Variants in MAPK10 observed in about 807,000 individuals in gnomAD.
MAPK10 encodes JNK3 alpha protein kinase.
MAPK10 carries 25 observed loss-of-function variants against 59.3 expected under a neutral mutation model. That is an observed-to-expected ratio of 0.42 (90% CI 0.31 to 0.59). The LOEUF is 0.59. Among genes scored for constraint, MAPK10 ranks in the 20% least tolerant of loss-of-function variants. The pLI, the probability that MAPK10 is intolerant of heterozygous loss-of-function variation, is 0.15. For missense variants in MAPK10, 351 were observed against 568.9 expected (o/e 0.62, Z 3.90); for synonymous variants, 190 against 200.5 (o/e 0.95, Z 0.44).
intron 3 of MAPK10, among the ~76,000 whole-genome samples, chr4:86,181,825 T>G (rs2076992659): frequency 1.3e-5 from 2 of 151,918 alleles, no homozygotes; most frequent in Non-Finnish European, 2.9e-5. Context: ...CACCAGAGAG[T>G]GTGTAGGAGT....
intron 11 of MAPK10, among the ~76,000 whole-genome samples, chr4:86,048,048 T>C (rs1053273309): frequency 2.0e-5 from 3 of 152,084 alleles, no homozygotes; most frequent in Admixed American, 2.0e-4. Context: ...AGGATAGTCA[T>C]CATTTTCTAG....
At chr4:86,394,661 C>T (rs1169594837) in intron 1 of MAPK10, among the ~76,000 whole-genome samples, 3 of 151,974 alleles carry the variant, frequency 2.0e-5, no homozygotes, top group East Asian at 1.9e-4. Flanking sequence ...TACAATGACT[C>T]GTGGAAAGGG....
intron 9 of MAPK10, among the ~76,000 whole-genome samples, chr4:86,093,698 A>C (rs2053673329): frequency 6.6e-6 from 1 of 151,856 alleles, no homozygotes; most frequent in African/African-American, 2.4e-5. Context: ...AATCAGAAAA[A>C]GACTTTCTCC....
intron 1 of MAPK10, among the ~76,000 whole-genome samples, chr4:86,443,399 C>T (rs1432728421): frequency 6.6e-6 from 1 of 151,832 alleles, no homozygotes; most frequent in East Asian, 1.9e-4. Context: ...AACCACCCTG[C>T]AGAAGCCAAA....
intron 1 of MAPK10, among the ~76,000 whole-genome samples, chr4:86,511,241 T>C (rs1478302676): frequency 5.3e-5 from 8 of 151,280 alleles, no homozygotes; most frequent in Admixed American, 5.3e-4. Context: ...CCCAACATTT[T>C]GGGAGGCCAA....
intron 9 of MAPK10, among the ~76,000 whole-genome samples, chr4:86,088,065 GACTAAGTGTAGAGGGATATTTA>G (rs1430849465): frequency 6.6e-6 from 1 of 152,134 alleles, no homozygotes; most frequent in African/African-American, 2.4e-5. Context: ...TTTCATAAGT[GACTAAGTGTAGAGGGATATTTA>G]ACAGGACCCA....
chr4:86,363,275 G>A (rs1377544170), upstream of MAPK10, among the ~76,000 whole-genome samples: 3 of 152,084 alleles, frequency 2.0e-5, no homozygotes, highest in Non-Finnish European at 4.4e-5. Context: ...AAAATAATAG[G>A]AGGATGGAAC....
intron 13 of MAPK10, chr4:86,020,962 G>A (rs1305272222): frequency 6.6e-6 from 1 of 152,192 alleles, no homozygotes; most frequent in African/African-American, 2.4e-5. Context: ...TCTCTTATCT[G>A]GCCCCACCCA....
intron 1 of MAPK10, among the ~76,000 whole-genome samples, chr4:86,432,192 G>A (rs1156910425): frequency 6.6e-6 from 1 of 152,190 alleles, no homozygotes; most frequent in Non-Finnish European, 1.5e-5. Context: ...AGTTTTCAAG[G>A]TTTTTCTGGG....
chr4:86,577,887 T>C (rs1194937299), intron 1 of MAPK10, among the ~76,000 whole-genome samples: 6 of 152,094 alleles, frequency 3.9e-5, no homozygotes, highest in Non-Finnish European at 8.8e-5. Flanking sequence ...TTATAGAATA[T>C]TTATTGTGGT....
chr4:86,386,265 T>C (rs1741451389), intron 1 of MAPK10, among the ~76,000 whole-genome samples: 1 of 152,248 alleles, frequency 6.6e-6, no homozygotes, highest in Admixed American at 6.5e-5. Flanking sequence ...AGCATCTCTC[T>C]GTCCATTTAC....
intron 2 of MAPK10, among the ~76,000 whole-genome samples, chr4:86,266,219 C>T (rs1563783999): frequency 6.6e-6 from 1 of 152,166 alleles, no homozygotes; most frequent in Non-Finnish European, 1.5e-5. Context: ...GGTTAAACTC[C>T]TGTGAGCTCC....
chr4:86,554,836 C>T (rs1032592556), intron 1 of MAPK10, among the ~76,000 whole-genome samples: 4 of 152,214 alleles, frequency 2.6e-5, no homozygotes, highest in African/African-American at 9.6e-5. Context: ...CAATGCCCTT[C>T]ATGATGTAAC....
rs569588785 is a variant in MAPK10, at chr4:86,066,819, G to C, written c.985+954C>G. On this transcript the variant is annotated intron_variant, in intron 10 of 13. Coordinates refer to ENST00000641462, the MANE Select transcript of MAPK10 (RefSeq NM_138982.4). ...ATGGATTCTTCATGAATAGGGTCAT[G>C]AACTACACCAATACAAAATCATCTT... is the stretch of plus-strand genomic sequence containing the variant. 1.3e-4 allele frequency among the ~76,000 whole-genome samples: 19 copies of C among 149,220 alleles called. No homozygotes were observed. The South Asian group carries it at 3.8e-3, about 30-fold the overall frequency.
chr4:86,286,893 G>T (rs2095035207), intron 2 of MAPK10, among the ~76,000 whole-genome samples: 1 of 152,180 alleles, frequency 6.6e-6, no homozygotes, highest in Non-Finnish European at 1.5e-5. Context: ...GTTTAAGGCT[G>T]AACCAAAGGG....
intron 2 of MAPK10, among the ~76,000 whole-genome samples, chr4:86,307,060 C>CTAGT (rs569622024): frequency 5.1e-4 from 77 of 152,112 alleles, no homozygotes; most frequent in Admixed American, 1.7e-3. Flanking sequence ...TGAAGCATAA[C>CTAGT]TAGGGTGATA....
chr4:86,483,345 T>TA (rs935264173), intron 1 of MAPK10, among the ~76,000 whole-genome samples: 4 of 151,134 alleles, frequency 2.6e-5, no homozygotes, highest in Admixed American at 6.6e-5. Flanking sequence ...TGAGTGTGCT[T>TA]AAAAAAAAAT....
chr4:86,224,004 G>C (rs577418873), intron 2 of MAPK10, among the ~76,000 whole-genome samples: 2 of 152,130 alleles, frequency 1.3e-5, no homozygotes, highest in South Asian at 4.1e-4. Flanking sequence ...CCTTCCTCTG[G>C]AGGGTGACTT....
intron 4 of MAPK10, among the ~76,000 whole-genome samples, chr4:86,118,636 T>C (rs1021627971): frequency 4.1e-4 from 62 of 151,212 alleles, no homozygotes; most frequent in Non-Finnish European, 1.6e-4. Context: ...GCAAATCTTG[T>C]TCTCAATATA....
Sources: gnomAD v4.1 joint callset for allele counts (sites outside exome capture counted in the v4.1 genomes callset) on GRCh38, gnomAD v4.1.1 for gene constraint, MANE v1.5 for transcripts, NCBI Gene and HGNC (gene_info 2026-07-23, HGNC 2026-07-21) for gene names.